BIRC6: variants seen among roughly 807,000 people sequenced by gnomAD.
The protein encoded by BIRC6 is dual E2 ubiquitin-conjugating enzyme/E3 ubiquitin-protein ligase BIRC6.
In BIRC6, 98 loss-of-function variants were observed where a neutral mutation model predicts 503.3. The observed-to-expected ratio is 0.19, with a 90% CI of 0.17 to 0.23. The LOEUF (loss-of-function observed/expected upper bound fraction) is 0.23. Among genes scored for constraint, BIRC6 ranks in the 10% least tolerant of loss-of-function variants. BIRC6 has a pLI of 1.00. For synonymous variants in BIRC6, 2,240 were observed against 2,078.7 expected (o/e 1.08, Z -2.11); for missense variants, 5,360 against 5,806.0 (o/e 0.92, Z 2.50).
intron 72 of BIRC6, among the ~76,000 whole-genome samples, chr2:32,609,749 CAAAA>C (rs11336710): frequency 7.8e-5 from 9 of 115,522 alleles, no homozygotes; most frequent in Non-Finnish European, 5.6e-5. Flanking sequence ...GACTCTGTCT[CAAAA>C]AAAAAAAAAA....
In BIRC6 at chr2:32,515,549, C is replaced by A; in HGVS notation, c.11128C>A (p.Pro3710Thr). The A allele has an allele frequency of 6.2e-6, 10 of 1,613,956 alleles. No homozygotes were observed. The highest frequency in any genetic ancestry group is 7.6e-6 in the Non-Finnish European group (9 of 1,179,892). Reference protein sequence around the residue: ...KDWLGGSEVNPLWTALLFLLC... With the variant: ...KDWLGGSEVNTLWTALLFLLC... ...TTGGCTTGGTGGTTCTGAAGTCAAT[C>A]CACTATGGACAGCACTTCTGTTTTT... The change falls in exon 55 of 74, where the codon CCA becomes ACA. Residue 3710 changes from proline (P) to threonine (T), a missense_variant. This residue lies in a region of BIRC6 where 878 missense variants were observed against 928.9 expected (regional missense o/e 0.95). Coordinates refer to ENST00000421745, the MANE Select transcript of BIRC6 (RefSeq NM_016252.4).
At chr2:32,510,743 G>A (rs1171983151) in intron 53 of BIRC6, 109 bp downstream of exon 53, 2 of 740,730 alleles carry the variant, frequency 2.7e-6, no homozygotes, top group African/African-American at 1.7e-5. Flanking sequence ...ACAATACTGT[G>A]ATATATTGTA....
intron 20 of BIRC6, 123 bp downstream of exon 20, chr2:32,443,711 AT>A (rs1558740311): frequency 1.3e-6 from 1 of 766,128 alleles, no homozygotes; most frequent in East Asian, 2.9e-5. Flanking sequence ...GCTTATCTGT[AT>A]TTTTTGAAGG....
At chr2:32,497,371 A>G (rs1044160828) in intron 45 of BIRC6, among the ~76,000 whole-genome samples, 3 of 152,228 alleles carry the variant, frequency 2.0e-5, no homozygotes, top group African/African-American at 7.2e-5. Context: ...TGGTCATAAC[A>G]TATCAGTCCA....
intron 66 of BIRC6, among the ~76,000 whole-genome samples, chr2:32,578,042 C>T (rs74735173): frequency 0.035 from 5,282 of 152,140 alleles, 138 homozygotes; most frequent in African/African-American, 0.074. Context: ...TTATATTTTG[C>T]ATTAAGACTT....
chr2:32,398,447 G>C (rs2040219564), intron 6 of BIRC6, among the ~76,000 whole-genome samples: 1 of 152,136 alleles, frequency 6.6e-6, no homozygotes. Context: ...CGTGTTAATA[G>C]AATGGTAGAT....
intron 65 of BIRC6, among the ~76,000 whole-genome samples, chr2:32,570,724 C>A (rs1486289612): frequency 6.6e-6 from 1 of 152,002 alleles, no homozygotes; most frequent in African/African-American, 2.4e-5. Flanking sequence ...GTCTCGAACT[C>A]CTGACCTCAG....
chr2:32,498,300 A>G (rs1013714122), intron 45 of BIRC6, among the ~76,000 whole-genome samples: 3 of 152,182 alleles, frequency 2.0e-5, no homozygotes, highest in Non-Finnish European at 4.4e-5. Context: ...CCTGAGCTCA[A>G]GCAATCCACC....
intron 3 of BIRC6, among the ~76,000 whole-genome samples, chr2:32,384,144 A>T (rs2038100877): frequency 6.6e-6 from 1 of 152,174 alleles, no homozygotes; most frequent in Non-Finnish European, 1.5e-5. Context: ...TGAAAGCTTT[A>T]AAAAAAATCT....
chr2:32,556,384 C>G (rs567747961), intron 65 of BIRC6, among the ~76,000 whole-genome samples: 1 of 152,214 alleles, frequency 6.6e-6, no homozygotes, highest in South Asian at 2.1e-4. Flanking sequence ...TCTTGACTAC[C>G]CAGCGTAGTC....
intron 61 of BIRC6, among the ~76,000 whole-genome samples, chr2:32,539,453 T>G (rs774809664): frequency 7.0e-4 from 107 of 152,330 alleles, no homozygotes; most frequent in Non-Finnish European, 1.3e-3. Context: ...TCAGTAAATT[T>G]AAAAACATTA....
chr2:32,513,498 G>T (rs2054653078), intron 54 of BIRC6, among the ~76,000 whole-genome samples: 1 of 152,150 alleles, frequency 6.6e-6, no homozygotes, highest in Non-Finnish European at 1.5e-5. Flanking sequence ...CTTTGGGGGT[G>T]GGCATGGTGG....
At chr2:32,476,905 A>G (rs2149106003) in intron 34 of BIRC6, among the ~76,000 whole-genome samples, 1 of 152,280 alleles carries the variant, frequency 6.6e-6, no homozygotes, top group South Asian at 2.1e-4. Context: ...TAAAATTTTG[A>G]GGGATACCGT....
intron 52 of BIRC6, 53 bp downstream of exon 52, chr2:32,510,047 G>T: frequency 6.3e-7 from 1 of 1,580,236 alleles, no homozygotes; most frequent in Non-Finnish European, 8.6e-7. Flanking sequence ...AGTAACAGCA[G>T]TTGAACTGTG....
At chr2:32,458,096 A>G (rs1457473904) in intron 23 of BIRC6, among the ~76,000 whole-genome samples, 1 of 152,140 alleles carries the variant, frequency 6.6e-6, no homozygotes, top group Non-Finnish European at 1.5e-5. Flanking sequence ...GGTGATTTAA[A>G]GGTAATCTTT....
rs1257037804 is a variant in BIRC6 at position 32,597,865 on chromosome 2, G to A, written c.13727G>A (p.Arg4576His). 1.1e-5 allele frequency: 17 copies of A among 1,613,666 alleles called. No homozygotes were observed. Among genetic ancestry groups the A allele is most frequent in the Non-Finnish European group, 1.4e-5 (17 of 1,179,832 alleles). Reference protein sequence around the residue: ...ANDANSAARARRLAQEAVTLS... With the variant: ...ANDANSAARAHRLAQEAVTLS... ...GATGCGAACAGTGCTGCCAGAGCTC[G>A]CCGCCTTGCCCAGGAAGCTGTGACG... Residue 4576 changes from arginine (R) to histidine (H), a missense_variant, in exon 69 of 74, where the codon CGC becomes CAC. Physicochemically the swap from Arg to His is conservative, Grantham distance 29. This residue lies in a region of BIRC6 where 477 missense variants were observed against 574.4 expected (regional missense o/e 0.83). Transcript: ENST00000421745.
intron 24 of BIRC6, among the ~76,000 whole-genome samples, 152 bp downstream of exon 24, chr2:32,463,533 A>C (rs762019): frequency 0.5 from 76,306 of 152,018 alleles, 19,694 homozygotes; most frequent in Middle Eastern, 0.58. Context: ...AGTCTTTGTG[A>C]TATTTAAATT....
intron 62 of BIRC6, 30 bp downstream of exon 62, chr2:32,543,571 C>T (rs1295784920): frequency 6.3e-7 from 1 of 1,592,420 alleles, no homozygotes; most frequent in East Asian, 2.2e-5. Flanking sequence ...TTTATCAACA[C>T]ATATGTGAAT....
intron 62 of BIRC6, among the ~76,000 whole-genome samples, chr2:32,544,632 T>G (rs879271516): frequency 6.6e-6 from 1 of 151,836 alleles, no homozygotes; most frequent in Non-Finnish European, 1.5e-5. Flanking sequence ...AATAAAATGT[T>G]AAGTTCTGTA....
Sources: allele counts gnomAD v4.1 joint callset (sites outside exome capture counted in the v4.1 genomes callset), GRCh38; gene constraint gnomAD v4.1.1; regional missense constraint gnomAD v4.1.1; transcripts MANE v1.5; gene names NCBI Gene and HGNC (gene_info 2026-07-23, HGNC 2026-07-21).